The following SLC35D1 variants were observed in gnomAD, a reference collection of about 807,000 sequenced individuals.
SLC35D1 encodes the protein solute carrier family 35 member D1.
Under a neutral mutation model 46.7 loss-of-function variants are expected in SLC35D1, and 31 were observed. The observed-to-expected ratio is 0.66, with a 90% CI of 0.50 to 0.90. SLC35D1 has a LOEUF of 0.90. Among genes scored for constraint, SLC35D1 ranks in the 40% least tolerant of loss-of-function variants. The pLI is 0.00. For missense variants in SLC35D1, 397 were observed against 426.2 expected (o/e 0.93, Z 0.60); for synonymous variants, 195 against 164.6 (o/e 1.18, Z -1.41).
intron 8 of SLC35D1, among the ~76,000 whole-genome samples, chr1:67,021,888 A>G (rs1667813788): frequency 6.6e-6 from 1 of 152,178 alleles, no homozygotes; most frequent in South Asian, 2.1e-4. Context: ...GGGATTTTAT[A>G]CTTCTCACTA....
intron 8 of SLC35D1, among the ~76,000 whole-genome samples, chr1:67,030,341 C>T (rs1033694974): frequency 6.6e-6 from 1 of 152,176 alleles, no homozygotes. Context: ...TCTAAATTAT[C>T]TTCCTTTCCT....
At chr1:66,976,925 T>C in the SLC35D1 span, among the ~76,000 whole-genome samples, 2 of 152,198 alleles carry the variant, frequency 1.3e-5, no homozygotes, top group Non-Finnish European at 2.9e-5. Context: ...CATTTAGACT[T>C]TTCAGTGTCT....
At chr1:67,027,753 AAAC>A (rs1354705210) in intron 8 of SLC35D1, among the ~76,000 whole-genome samples, 1 of 152,138 alleles carries the variant, frequency 6.6e-6, no homozygotes, top group Non-Finnish European at 1.5e-5. Context: ...ACAGACACAA[AAAC>A]AACCAGGGTC....
At chr1:67,052,378 T>G (rs542473014) in intron 3 of SLC35D1, among the ~76,000 whole-genome samples, 1 of 152,142 alleles carries the variant, frequency 6.6e-6, no homozygotes, top group Non-Finnish European at 1.5e-5. Flanking sequence ...TTAGAGCCCA[T>G]GGCTCTATTG....
chr1:66,986,235 T>C, the SLC35D1 span: 1 of 1,322,664 alleles, frequency 7.6e-7, no homozygotes, highest in Non-Finnish European at 9.6e-7. Context: ...CAATAATCAT[T>C]GCTCTGTGTG....
At chr1:66,982,144 A>G in the SLC35D1 span, among the ~76,000 whole-genome samples, 73 of 152,334 alleles carry the variant, frequency 4.8e-4, no homozygotes, top group Non-Finnish European at 5.9e-5. Flanking sequence ...AACAGTGACT[A>G]TTTCTTGTAA....
chr1:67,039,571 G>A (rs12035378), intron 8 of SLC35D1, among the ~76,000 whole-genome samples: 1 of 151,548 alleles, frequency 6.6e-6, no homozygotes, highest in East Asian at 1.9e-4. Context: ...CCAAAAGGTA[G>A]GATATCATAT....
the SLC35D1 span, chr1:66,981,728 T>A: frequency 6.8e-6 from 10 of 1,461,830 alleles, no homozygotes; most frequent in Admixed American, 2.1e-4. Context: ...CCTCAACTAA[T>A]TTTTAATTTT....
In SLC35D1 at chr1:67,022,698, G is replaced by A. The variant is rs1382293554; in HGVS notation, c.730-1096C>T. ...CAGTTTGTTTATAGTTCTTTGTTGA[G>A]GTAGAATACATGAAAAATAAATTAA... On this transcript the variant is annotated intron_variant, in intron 8 of 11. Transcript: ENST00000235345. Among the ~76,000 whole-genome samples, 3 of 152,076 alleles carry A rather than the reference G, an allele frequency of 2.0e-5. No individual in the cohort carries two copies. The East Asian group carries it at 5.8e-4, about 29-fold the overall frequency.
intron 8 of SLC35D1, among the ~76,000 whole-genome samples, chr1:67,027,540 T>C (rs1337759787): frequency 6.6e-6 from 1 of 152,036 alleles, no homozygotes; most frequent in Admixed American, 6.5e-5. Flanking sequence ...TCCCAAAGCA[T>C]TGGAATTACA....
intron 9 of SLC35D1, among the ~76,000 whole-genome samples, chr1:67,020,826 C>G (rs2065001): frequency 0.78 from 117,868 of 152,044 alleles, 45,969 homozygotes; most frequent in South Asian, 0.88. Flanking sequence ...CTGGGCCAGA[C>G]GAAGACAAGA....
downstream of SLC35D1, among the ~76,000 whole-genome samples, chr1:66,997,616 T>C (rs1667256265): frequency 6.9e-6 from 1 of 145,162 alleles, no homozygotes; most frequent in South Asian, 2.2e-4. Flanking sequence ...GATGTATCTG[T>C]ATATATATGC....
At position 67,002,030 on chromosome 1, in the gene SLC35D1, C is replaced by G. The variant is rs941195211; in HGVS notation, c.*2310G>C. Reference sequence around the variant, plus strand: ...AGGCAGTTCAACTCCTGGTGGGGCTCTAGCCCAACACCTGTTAAAGACACC... The same window carrying G: ...AGGCAGTTCAACTCCTGGTGGGGCTGTAGCCCAACACCTGTTAAAGACACC... On this transcript the variant is annotated 3_prime_UTR_variant, in exon 12 of 12. Coordinates refer to ENST00000235345, the MANE Select transcript of SLC35D1 (RefSeq NM_015139.3). 8 of 152,334 alleles carry G rather than the reference C, an allele frequency of 5.3e-5. No homozygotes were observed. The highest frequency in any genetic ancestry group is 1.7e-4 in the African/African-American group (7 of 41,446). 9.4% of individuals were successfully genotyped at this position (152,334 alleles called of 1,614,324 possible).
chr1:67,042,425 CA>C (rs1645200485), intron 7 of SLC35D1, 97 bp from the exon 8 acceptor site: 1 of 964,414 alleles, frequency 1.0e-6, no homozygotes, highest in Middle Eastern at 2.1e-4. Flanking sequence ...AATACACAAA[CA>C]CACACACCCT....
intron 8 of SLC35D1, among the ~76,000 whole-genome samples, chr1:67,026,763 A>C (rs1667921750): frequency 6.6e-6 from 1 of 152,174 alleles, no homozygotes; most frequent in South Asian, 2.1e-4. Flanking sequence ...GGTAATTTAT[A>C]AAAGAAAGAG....
Position 67,050,422 on chromosome 1 carries a change from A to G in SLC35D1, c.464+11T>C. ...GATTTAAAGAACAGATATATTAGAA[A>G]CTTAGCTCACTTGAGTAAAACTCCT... On this transcript the variant is annotated intron_variant, in intron 5 of 11. Transcript: ENST00000235345. The G allele has an allele frequency of 6.3e-7, 1 of 1,599,550 alleles. No individual in the cohort carries two copies. Among genetic ancestry groups the G allele is most frequent in the Non-Finnish European group, 8.6e-7 (1 of 1,167,072 alleles).
chr1:67,007,145 T>C (rs894414989), intron 11 of SLC35D1, among the ~76,000 whole-genome samples: 1 of 152,102 alleles, frequency 6.6e-6, no homozygotes, highest in Non-Finnish European at 1.5e-5. Context: ...AAAGGTAAGG[T>C]ACTATAATTA....
intron 11 of SLC35D1, among the ~76,000 whole-genome samples, chr1:67,005,966 C>A (rs1667438851): frequency 6.6e-6 from 1 of 152,170 alleles, no homozygotes; most frequent in Middle Eastern, 3.2e-3. Flanking sequence ...TATCACCCCA[C>A]TTGAGGAAAG....
chr1:67,007,630 G>A (rs1355946147), intron 11 of SLC35D1, among the ~76,000 whole-genome samples: 3 of 152,160 alleles, frequency 2.0e-5, no homozygotes, highest in Non-Finnish European at 4.4e-5. Context: ...ACCACCTGAA[G>A]AGAACTGAAT....
Sources: allele counts gnomAD v4.1 joint callset (sites outside exome capture counted in the v4.1 genomes callset), GRCh38; gene constraint gnomAD v4.1.1; transcripts MANE v1.5; gene names NCBI Gene and HGNC (gene_info 2026-07-23, HGNC 2026-07-21).